SLC36A4: variants seen among roughly 807,000 people sequenced by gnomAD.
SLC36A4 encodes neutral amino acid uniporter 4.
Under a neutral mutation model 50.5 loss-of-function variants are expected in SLC36A4, and 49 were observed. That is an observed-to-expected ratio of 0.97 (90% confidence interval 0.77 to 1.23). The LOEUF (loss-of-function observed/expected upper bound fraction) is 1.23. Among genes scored for constraint, SLC36A4 ranks in the 50% most tolerant of loss-of-function variants. The pLI is 0.00. For synonymous variants in SLC36A4, 207 were observed against 206.5 expected, an observed-to-expected ratio of 1.00 and a Z score of -0.02; for missense variants, 611 against 608.4, an observed-to-expected ratio of 1.00 and a Z score of -0.05.
rs755945752 is a variant in SLC36A4, at chr11:93,197,731, C to A, written c.55+47G>T. On this transcript the variant is annotated intron_variant, in intron 1 of 10. Coordinates refer to ENST00000326402, the MANE Select transcript of SLC36A4 (RefSeq NM_152313.4). The stretch of plus-strand genomic sequence containing the variant: ...TGGGCGCACCCGACTCCCGCACAGA[C>A]CCCCGCCCACGTCAGCCCCGGCTCC... 7.0e-6 allele frequency: 11 copies of A among 1,565,184 alleles called. No homozygotes were observed. In the South Asian group the frequency reaches 1.2e-4, roughly 16 times the overall value.
At chr11:93,183,170 T>G (rs1468299090) in intron 3 of SLC36A4, among the ~76,000 whole-genome samples, 1 of 152,164 alleles carries the variant, frequency 6.6e-6, no homozygotes, top group African/African-American at 2.4e-5. Context: ...AAGATCATAT[T>G]TAACATCAGA....
chr11:93,184,559 C>A (rs141811514), intron 2 of SLC36A4, 39 bp from the exon 3 acceptor site: 1 of 1,189,602 alleles, frequency 8.4e-7, no homozygotes, highest in African/African-American at 1.5e-5. Context: ...TATTTTAGAA[C>A]AAAATCTATT....
Position 93,153,472 on chromosome 11 carries a change from A to G in SLC36A4, c.1207+636T>C, listed in dbSNP as rs551717473. On this transcript the variant is annotated intron_variant, in intron 10 of 10. Coordinates refer to ENST00000326402, the MANE Select transcript of SLC36A4 (RefSeq NM_152313.4). ...CTCAACAATGGCATGTAACTTGCCT[A>G]AAGACACCACCGAGTAAGTGATAGG... Among the ~76,000 whole-genome samples the G allele has an allele frequency of 2.0e-5, 3 of 152,196 alleles. No individual in the cohort carries two copies. The South Asian group carries it at 6.2e-4, about 32-fold the overall frequency.
At chr11:93,164,552 G>C (rs1276405976) in intron 8 of SLC36A4, among the ~76,000 whole-genome samples, 7 of 152,080 alleles carry the variant, frequency 4.6e-5, no homozygotes, top group Admixed American at 6.6e-5. Flanking sequence ...TTTCATATAA[G>C]TCAGTCAGTT....
Position 93,181,771 on chromosome 11 carries a change from T to C in SLC36A4, c.375A>G (p.Thr125=), listed in dbSNP as rs76786276. ...AGCTCACAGTGTCACTATAACCTAATGTTGACTTTTTAAACCTGTAATTTA... is the reference window on the plus strand; with the variant it reads ...AGCTCACAGTGTCACTATAACCTAACGTTGACTTTTTAAACCTGTAATTTA... The part of the protein sequence containing the change: ...HFLCLRFKKS[T]LGYSDTVSFA... The change falls in exon 5 of 11, where the codon ACA becomes ACG. Residue 125 remains threonine, a synonymous_variant. Coordinates refer to ENST00000326402, the MANE Select transcript of SLC36A4 (RefSeq NM_152313.4). 3.2e-3 allele frequency: 4,944 copies of C among 1,555,668 alleles called. 6 individuals are homozygous for C. Among genetic ancestry groups the C allele is most frequent in the Non-Finnish European group, 3.9e-3 (4,512 of 1,146,348 alleles).
intron 6 of SLC36A4, among the ~76,000 whole-genome samples, chr11:93,178,100 C>T (rs781672375): frequency 3.3e-4 from 50 of 152,280 alleles, no homozygotes; most frequent in Middle Eastern, 3.4e-3. Flanking sequence ...GCCTCGCTGC[C>T]GCCTTGCAGT....
At chr11:93,160,612 A>G in intron 9 of SLC36A4, 2 of 985,272 alleles carry the variant, frequency 2.0e-6, no homozygotes, top group South Asian at 9.4e-5. Flanking sequence ...ATTCTCGCCC[A>G]CTATTTCTAC....
intron 9 of SLC36A4, chr11:93,159,864 ACT>A: frequency 1.0e-6 from 1 of 985,244 alleles, no homozygotes; most frequent in Non-Finnish European, 1.2e-6. Context: ...ACCCTAATAT[ACT>A]CTGAGACTTT....
chr11:93,162,683 T>C (rs369745950), intron 9 of SLC36A4, 23 bp downstream of exon 9: 11 of 1,552,526 alleles, frequency 7.1e-6, no homozygotes, highest in African/African-American at 1.4e-5. Flanking sequence ...TAAACTAATA[T>C]TGACAAATTC....
intron 9 of SLC36A4, among the ~76,000 whole-genome samples, chr11:93,156,000 G>A (rs776651084): frequency 4.3e-4 from 66 of 151,968 alleles, no homozygotes; most frequent in African/African-American, 1.5e-3. Flanking sequence ...GGTTAATTCC[G>A]TATCTTTGCT....
At chr11:93,172,550 C>T (rs1181924498) in intron 6 of SLC36A4, among the ~76,000 whole-genome samples, 3 of 151,106 alleles carry the variant, frequency 2.0e-5, no homozygotes, top group Non-Finnish European at 4.4e-5. Flanking sequence ...CACCCACTAA[C>T]TCGTCATCTA....
chr11:93,166,314 C>A (rs1476661813), intron 7 of SLC36A4: 5 of 1,081,926 alleles, frequency 4.6e-6, no homozygotes, highest in Non-Finnish European at 5.6e-6. Context: ...ATGGCTCCTG[C>A]CACAACAGGA....
At chr11:93,190,975 T>C (rs1862195048) in intron 1 of SLC36A4, among the ~76,000 whole-genome samples, 1 of 152,230 alleles carries the variant, frequency 6.6e-6, no homozygotes. Flanking sequence ...GTTTTAAGAC[T>C]GAGCATATCA....
intron 1 of SLC36A4, among the ~76,000 whole-genome samples, chr11:93,190,121 A>T (rs901306760): frequency 1.3e-5 from 2 of 152,150 alleles, no homozygotes; most frequent in African/African-American, 2.4e-5. Context: ...TAAAGTCATT[A>T]ATTTTCAATG....
Position 93,147,632 on chromosome 11 carries a change from C to T in SLC36A4, c.*905G>A, listed in dbSNP as rs1859890165. On this transcript the variant is annotated 3_prime_UTR_variant, in exon 11 of 11. Coordinates refer to ENST00000326402, the MANE Select transcript of SLC36A4 (RefSeq NM_152313.4). ...AGGTCACATATACTATTAAAAATCA[C>T]ACATTCATTTTCAAAGTATTAAAAT... 6.6e-6 allele frequency: 1 copy of T among 152,080 alleles called. No homozygotes were observed. Among genetic ancestry groups the T allele is most frequent in the Non-Finnish European group, 1.5e-5 (1 of 68,002 alleles). The allele number at this position is 152,080 out of a possible 1,614,324, so 9.4% of individuals were successfully genotyped here.
At position 93,148,817 on chromosome 11, in the gene SLC36A4, A is replaced by T. The variant is rs1463498613; in HGVS notation, c.1235T>A (p.Leu412Ter). Reference sequence around the variant, plus strand: ...TCCAACGAAGGAAATCACAATGTCTAAACGAGGAATAAGAATTGCTCCGGC... The same window carrying T: ...TCCAACGAAGGAAATCACAATGTCTTAACGAGGAATAAGAATTGCTCCGGC... ...TCAGAILIPR[L>*]DIVISFVGAV... Residue 412 changes from leucine to a stop codon, truncating the protein, a stop_gained, in exon 11 of 11, where the codon TTA becomes TAA. Transcript: ENST00000326402. LOFTEE classifies it high-confidence loss of function. The T allele has an allele frequency of 3.7e-6, 6 of 1,611,494 alleles. No individual in the cohort carries two copies. The highest frequency in any genetic ancestry group is 5.1e-6 in the Non-Finnish European group (6 of 1,178,988).
intron 7 of SLC36A4, chr11:93,167,118 T>C (rs1051088984): frequency 6.6e-6 from 1 of 152,076 alleles, no homozygotes; most frequent in Admixed American, 6.6e-5. Context: ...CTCAGTGCTA[T>C]AAGAGAAACT....
intron 1 of SLC36A4, among the ~76,000 whole-genome samples, chr11:93,192,694 T>C (rs1222483191): frequency 1.3e-5 from 2 of 152,216 alleles, no homozygotes; most frequent in African/African-American, 4.8e-5. Flanking sequence ...AAATGCAGCA[T>C]GTATTTTACA....
chr11:93,186,642 T>C (rs575017842), intron 1 of SLC36A4, among the ~76,000 whole-genome samples: 2 of 152,338 alleles, frequency 1.3e-5, no homozygotes, highest in East Asian at 1.9e-4. Context: ...TAGTTTCTCA[T>C]GTTTAGTTGT....
Sources: gnomAD v4.1 joint callset for allele counts (sites outside exome capture counted in the v4.1 genomes callset) on GRCh38, gnomAD v4.1.1 for gene constraint, MANE v1.5 for transcripts, NCBI Gene and HGNC (gene_info 2026-07-23, HGNC 2026-07-21) for gene names.